CCSER1: variants seen among roughly 807,000 people sequenced by gnomAD.
CCSER1 encodes serine-rich coiled-coil domain-containing protein 1.
CCSER1 carries 41 observed loss-of-function variants against 82.0 expected under a neutral mutation model. That is an observed-to-expected ratio of 0.50 (90% CI 0.39 to 0.65). The LOEUF is 0.65. CCSER1 is among the 30% of genes least tolerant of loss of function. The pLI, the probability that CCSER1 is intolerant of heterozygous loss-of-function variation, is 0.00. For synonymous variants in CCSER1, 414 were observed against 383.9 expected (o/e 1.08, Z -0.92); for missense variants, 1,119 against 1,064.2 (o/e 1.05, Z -0.72).
intron 8 of CCSER1, among the ~76,000 whole-genome samples, chr4:90,898,728 G>A (rs1724141027): frequency 6.6e-6 from 1 of 152,052 alleles, no homozygotes; most frequent in East Asian, 1.9e-4. Flanking sequence ...GTTTATTTTT[G>A]TATACTTGGT....
chr4:91,450,455 C>T (rs1045623786), intron 10 of CCSER1, among the ~76,000 whole-genome samples: 1 of 151,974 alleles, frequency 6.6e-6, no homozygotes, highest in South Asian at 2.1e-4. Context: ...AACTAAAAAT[C>T]TTGATACAAT....
At chr4:91,283,590 T>C (rs72877080) in intron 10 of CCSER1, among the ~76,000 whole-genome samples, 3,162 of 152,222 alleles carry the variant, frequency 0.021, 114 homozygotes, top group African/African-American at 0.072. Context: ...TATTTTACTT[T>C]CATGTTTTGG....
chr4:90,809,417 C>T (rs1285223829), intron 7 of CCSER1, among the ~76,000 whole-genome samples: 3 of 151,940 alleles, frequency 2.0e-5, no homozygotes, highest in Admixed American at 6.6e-5. Context: ...TTTGCAGCAA[C>T]TTGGAAGTAA....
chr4:90,537,069 A>T (rs768741577), intron 5 of CCSER1, among the ~76,000 whole-genome samples: 8 of 152,270 alleles, frequency 5.3e-5, no homozygotes, highest in Middle Eastern at 3.4e-3. Context: ...TTTGAAATCT[A>T]ATTGTTTTAA....
chr4:91,563,140 A>G (rs898626586), intron 10 of CCSER1, among the ~76,000 whole-genome samples: 2 of 151,668 alleles, frequency 1.3e-5, no homozygotes, highest in Non-Finnish European at 3.0e-5. Context: ...TTCCAAAATA[A>G]AGAAAAGAAG....
At chr4:91,194,301 C>T (rs1735232975) in intron 10 of CCSER1, among the ~76,000 whole-genome samples, 1 of 152,102 alleles carries the variant, frequency 6.6e-6, no homozygotes, top group Non-Finnish European at 1.5e-5. Context: ...TCAATTTATA[C>T]AGTACATATT....
At chr4:91,376,902 C>CCCCCACTT (rs1553930092) in intron 10 of CCSER1, among the ~76,000 whole-genome samples, 6 of 142,672 alleles carry the variant, frequency 4.2e-5, no homozygotes, top group Non-Finnish European at 6.0e-5. Flanking sequence ...TACTATCCCT[C>CCCCCACTT]CCCCCACCCA....
intron 7 of CCSER1, among the ~76,000 whole-genome samples, chr4:90,736,022 C>A (rs924574344): frequency 6.6e-6 from 1 of 152,002 alleles, no homozygotes; most frequent in Non-Finnish European, 1.5e-5. Context: ...TTCCAAAATT[C>A]ATTGTGTTGT....
intron 10 of CCSER1, among the ~76,000 whole-genome samples, chr4:91,125,062 G>GAT (rs1727389014): frequency 6.6e-6 from 1 of 151,524 alleles, no homozygotes; most frequent in Admixed American, 6.6e-5. Context: ...ATAAATTTAT[G>GAT]ATTTTATTTC....
chr4:90,482,119 A>G (rs1056653228), intron 5 of CCSER1, among the ~76,000 whole-genome samples: 2 of 152,140 alleles, frequency 1.3e-5, no homozygotes, highest in East Asian at 1.9e-4. Flanking sequence ...TGTGTTGAGC[A>G]ATTTATCCAT....
At chr4:91,093,418 G>T (rs1724178008) in intron 10 of CCSER1, among the ~76,000 whole-genome samples, 1 of 152,208 alleles carries the variant, frequency 6.6e-6, no homozygotes, top group Admixed American at 6.5e-5. Context: ...TTATGCGGGG[G>T]TTTTCACATA....
At chr4:90,691,614 G>A (rs1245705915) in intron 6 of CCSER1, among the ~76,000 whole-genome samples, 6 of 141,160 alleles carry the variant, frequency 4.3e-5, no homozygotes, top group Admixed American at 2.9e-4. Context: ...TATATCACAT[G>A]TATATATGTG....
intron 8 of CCSER1, among the ~76,000 whole-genome samples, chr4:90,919,329 TA>T (rs1728040744): frequency 6.6e-6 from 1 of 151,840 alleles, no homozygotes. Context: ...TAGAGACCAA[TA>T]AAAAAGGTTT....
chr4:90,977,584 A>G (rs1445983169), intron 9 of CCSER1, among the ~76,000 whole-genome samples: 1 of 151,672 alleles, frequency 6.6e-6, no homozygotes, highest in African/African-American at 2.4e-5. Context: ...GAATAGGAGT[A>G]CACTAGACAG....
intron 10 of CCSER1, among the ~76,000 whole-genome samples, chr4:91,524,107 C>T (rs28452136): frequency 0.042 from 6,366 of 152,268 alleles, 277 homozygotes; most frequent in African/African-American, 0.11. Context: ...CTTTCCCTGT[C>T]ATCCACTTGG....
rs537380046 is a variant in CCSER1, at chr4:90,745,678, C to CTTTTTT, written c.2010+21711_2010+21716dup. On this transcript the variant is annotated intron_variant, in intron 7 of 10. Coordinates refer to ENST00000509176, the MANE Select transcript of CCSER1 (RefSeq NM_001145065.2). Reference sequence around the variant, plus strand: ...GAATTACACAAGCTATTTCTTTTATCTTTTTTTTTTTTTTTTTTTTTTTTT... The same window carrying CTTTTTT: ...GAATTACACAAGCTATTTCTTTTATCTTTTTTTTTTTTTTTTTTTTTTTTTTTTTTT... Among the ~76,000 whole-genome samples, 37 of 72,242 alleles carry CTTTTTT rather than the reference C, an allele frequency of 5.1e-4. 1 individual carries two copies. Among genetic ancestry groups the CTTTTTT allele is most frequent in the Non-Finnish European group, 6.1e-4 (25 of 40,790 alleles). The allele number at this position is 72,242 out of a possible 152,430, so 47.4% of individuals were successfully genotyped here.
intron 9 of CCSER1, among the ~76,000 whole-genome samples, chr4:91,020,610 C>G (rs957969375): frequency 1.3e-5 from 2 of 151,712 alleles, no homozygotes; most frequent in Non-Finnish European, 2.9e-5. Context: ...TGCAGTGAGC[C>G]GAGATCGCGC....
chr4:90,859,271 G>T (rs935251175), intron 8 of CCSER1, among the ~76,000 whole-genome samples: 1 of 151,818 alleles, frequency 6.6e-6, no homozygotes, highest in Non-Finnish European at 1.5e-5. Flanking sequence ...TTTAGTTACT[G>T]TAAATAAAGT....
intron 10 of CCSER1, among the ~76,000 whole-genome samples, chr4:91,399,044 T>C (rs2149357669): frequency 6.6e-6 from 1 of 151,952 alleles, no homozygotes; most frequent in East Asian, 1.9e-4. Context: ...AATCGTGAGA[T>C]GTGTAAAAAA....
Sources: allele counts gnomAD v4.1 joint callset (sites outside exome capture counted in the v4.1 genomes callset), GRCh38; gene constraint gnomAD v4.1.1; transcripts MANE v1.5; gene names NCBI Gene and HGNC (gene_info 2026-07-23, HGNC 2026-07-21).